The following C11orf65 variants were observed in gnomAD, a reference collection of about 807,000 sequenced individuals.
The protein encoded by C11orf65 is chromosome 11 open reading frame 65.
Under a neutral mutation model 35.3 loss-of-function variants are expected in C11orf65, and 38 were observed. The observed-to-expected ratio is 1.08, with a 90% CI of 0.83 to 1.41. C11orf65 has a LOEUF of 1.41. Among genes scored for constraint, C11orf65 ranks in the 40% most tolerant of loss-of-function variants. The pLI, the probability that C11orf65 is intolerant of heterozygous loss-of-function variation, is 0.00. For synonymous variants in C11orf65, 105 were observed against 114.4 expected (o/e 0.92, Z 0.53); for missense variants, 370 against 367.1 (o/e 1.01, Z -0.06).
At chr11:108,423,306 G>A (rs922425749) in intron 3 of C11orf65, among the ~76,000 whole-genome samples, 17 of 152,294 alleles carry the variant, frequency 1.1e-4, no homozygotes, top group Admixed American at 2.0e-4. Flanking sequence ...CCACCCCCAT[G>A]GAGCCCAGCA....
chr11:108,425,959 A>G (rs1252031563), intron 3 of C11orf65, among the ~76,000 whole-genome samples: 2 of 152,220 alleles, frequency 1.3e-5, no homozygotes, highest in Non-Finnish European at 2.9e-5. Context: ...GCTTCGTGCT[A>G]AAAACTTTCA....
chr11:108,454,514 T>C (rs1292040998), intron 2 of C11orf65, among the ~76,000 whole-genome samples: 1 of 152,216 alleles, frequency 6.6e-6, no homozygotes, highest in Admixed American at 6.5e-5. Context: ...GTCAGTCTGG[T>C]CTTGAACTCC....
chr11:108,362,856 G>A (rs1173187592), intron 2 of C11orf65, among the ~76,000 whole-genome samples: 3 of 150,530 alleles, frequency 2.0e-5, no homozygotes, highest in East Asian at 3.9e-4. Flanking sequence ...GCTAGATGAC[G>A]AGTTAGTGGG....
In C11orf65 at chr11:108,365,124, T is replaced by C. The variant is rs1060504287; in HGVS notation, c.226+28084A>G. On this transcript the variant is annotated intron_variant, in intron 2 of 3. Transcript: ENST00000524755. ...ACTCTTTGACTGGACCATGAATCCT[T>C]TGAAAGCTTTGTATTTACAGCAGAG... The C allele has an allele frequency of 6.2e-7, 1 of 1,614,182 alleles. No individual in the cohort carries two copies. Among genetic ancestry groups the C allele is most frequent in the East Asian group, 2.2e-5 (1 of 44,880 alleles).
chr11:108,392,728 T>C (rs568172973), intron 7 of C11orf65, among the ~76,000 whole-genome samples: 1 of 152,332 alleles, frequency 6.6e-6, no homozygotes, highest in East Asian at 1.9e-4. Context: ...GGTATCTCAT[T>C]ATGGTTTTGA....
In C11orf65 at chr11:108,433,914, T is replaced by C. The variant is rs150028908; in HGVS notation, c.82-2076A>G. On this transcript the variant is annotated intron_variant, in intron 2 of 8. Coordinates refer to ENST00000393084, the MANE Select transcript of C11orf65 (RefSeq NM_152587.5). ...ATGGCCAGAAGTATAGATCTATAGA[T>C]GGATGGTGATTGATGGATGGTTTGA... 7.9e-3 allele frequency among the ~76,000 whole-genome samples: 1,202 copies of C among 152,246 alleles called. 9 individuals carry two copies. The highest frequency in any genetic ancestry group is 0.025 in the African/African-American group (1,018 of 41,550).
chr11:108,469,824 A>G (rs556471400), upstream of C11orf65, among the ~76,000 whole-genome samples: 17 of 152,254 alleles, frequency 1.1e-4, no homozygotes, highest in South Asian at 3.1e-3. Flanking sequence ...GCTTAAATCT[A>G]GGAACAGTTT....
chr11:108,325,248 AGTTTTT>A, intron 6 of C11orf65: 1 of 907,834 alleles, frequency 1.1e-6, no homozygotes, highest in Non-Finnish European at 1.6e-6. Flanking sequence ...GAACTTACAT[AGTTTTT>A]TTTTTTTTTT....
At chr11:108,317,102 T>A (rs1387109317) in intron 6 of C11orf65, among the ~76,000 whole-genome samples, 20 of 144,532 alleles carry the variant, frequency 1.4e-4, no homozygotes, top group African/African-American at 3.6e-4. Context: ...CCCAGCTATT[T>A]TAAAAAAAAA....
At position 108,317,364 on chromosome 11, in the gene C11orf65, C is replaced by A. The variant is rs1060501611; in HGVS notation, c.641-8293G>T. 6.2e-7 allele frequency: 1 copy of A among 1,608,880 alleles called. No homozygotes were observed. On this transcript the variant is annotated intron_variant, in intron 6 of 6. Coordinates refer to the C11orf65 transcript ENST00000525729. The stretch of plus-strand genomic sequence containing the variant: ...TACTTAACTTAAAAACAAAATAACT[C>A]CTGTTTAGGCCTTGCAGAATTTGGG...
downstream of C11orf65, among the ~76,000 whole-genome samples, chr11:108,327,127 C>A (rs2085759570): frequency 6.6e-6 from 1 of 152,180 alleles, no homozygotes; most frequent in Non-Finnish European, 1.5e-5. Flanking sequence ...CACGCCCGGC[C>A]TTTACTGTAC....
chr11:108,315,780 A>AT (rs778594061), intron 6 of C11orf65: 13 of 1,522,456 alleles, frequency 8.5e-6, no homozygotes, highest in African/African-American at 2.8e-5. Context: ...TTATAGACCG[A>AT]TTTTTTTTCC....
chr11:108,364,866 C>T (rs1310738139), intron 2 of C11orf65, among the ~76,000 whole-genome samples: 2 of 152,162 alleles, frequency 1.3e-5, no homozygotes, highest in Non-Finnish European at 2.9e-5. Context: ...TCACCCCTAA[C>T]CATGGAGGAA....
In C11orf65 at chr11:108,345,658, CTGTCATATTTTTATATAAAAA is replaced by C. The variant is rs1565562860; in HGVS notation, c.227-10387_227-10367del. On this transcript the variant is annotated intron_variant, in intron 2 of 3. Coordinates refer to the C11orf65 transcript ENST00000524755. ...CTGTTCATCTTTATTGCCCCTATAT[CTGTCATATTTTTATATAAAAA>C]TGTGTATATTAGTTTAATTGAACAC... 7.0e-6 allele frequency: 8 copies of C among 1,138,586 alleles called. No individual in the cohort carries two copies. In the African/African-American group the frequency reaches 1.1e-4, roughly 16 times the overall value. The allele number at this position is 1,138,586 out of a possible 1,614,324, so 70.5% of individuals were successfully genotyped here.
At chr11:108,414,739 A>G (rs2092706952) in intron 3 of C11orf65, among the ~76,000 whole-genome samples, 1 of 152,154 alleles carries the variant, frequency 6.6e-6, no homozygotes, top group Admixed American at 6.5e-5. Context: ...CCCTAATACA[A>G]AAACCACACA....
chr11:108,322,853 C>T lies in C11orf65; in HGVS notation c.641-13782G>A, dbSNP rs553516948. ...TCCATTCGGTTTTAGCACTGCATTG[C>T]ATTACTGTCATTTTATCTCTGCCTT... On this transcript the variant is annotated intron_variant, in intron 6 of 6. Transcript: ENST00000525729. Among the ~76,000 whole-genome samples, 41 of 151,480 alleles carry T rather than the reference C, an allele frequency of 2.7e-4. No individual in the cohort carries two copies. The East Asian group carries it at 7.4e-3, about 27-fold the overall frequency.
chr11:108,467,670 C>G (rs980555450), upstream of C11orf65: 1 of 152,080 alleles, frequency 6.6e-6, no homozygotes, highest in African/African-American at 2.4e-5. Flanking sequence ...GTTAGAAGCC[C>G]GCTTTCGATT....
rs559590539 is a variant in C11orf65 at position 108,404,536 on chromosome 11, T to C, written c.560+893A>G. ...CATTCTCCTGCCTCAGCCTCCCAAG[T>C]AGCTGGGACTACAGGCGCCTGCCAC... is the stretch of plus-strand genomic sequence containing the variant. On this transcript the variant is annotated intron_variant, in intron 6 of 8. Coordinates refer to ENST00000393084, the MANE Select transcript of C11orf65 (RefSeq NM_152587.5). Among the ~76,000 whole-genome samples, 975 of 151,924 alleles carry C rather than the reference T, an allele frequency of 6.4e-3. 3 individuals are homozygous for C. Among genetic ancestry groups the C allele is most frequent in the Non-Finnish European group, 8.6e-3 (582 of 67,950 alleles).
chr11:108,312,837 A>G (rs1177585840), intron 6 of C11orf65, among the ~76,000 whole-genome samples: 1 of 152,098 alleles, frequency 6.6e-6, no homozygotes, highest in Non-Finnish European at 1.5e-5. Context: ...TTGCTTGTTT[A>G]TTGTATGTTA....
Sources: allele counts gnomAD v4.1 joint callset (sites outside exome capture counted in the v4.1 genomes callset), GRCh38; gene constraint gnomAD v4.1.1; transcripts MANE v1.5; gene names NCBI Gene and HGNC (gene_info 2026-07-23, HGNC 2026-07-21).